The following SEMA6D variants were observed in gnomAD, a reference collection of about 807,000 sequenced individuals.
The protein encoded by SEMA6D is semaphorin 6D, also known as semaphorin-6D.
Under a neutral mutation model 106.6 loss-of-function variants are expected in SEMA6D, and 35 were observed. The ratio of observed to expected loss-of-function variants is 0.33; its 90% CI spans 0.25 to 0.44. SEMA6D has a LOEUF of 0.44. SEMA6D is among the 20% of genes least tolerant of loss of function. SEMA6D has a pLI of 1.00. For missense variants in SEMA6D, 1,185 were observed against 1,345.9 expected (o/e 0.88, Z 1.87); for synonymous variants, 499 against 487.7 (o/e 1.02, Z -0.31).
chr15:47,202,668 C>T (rs1894800943), intron 1 of SEMA6D, among the ~76,000 whole-genome samples: 1 of 152,192 alleles, frequency 6.6e-6, no homozygotes, highest in Admixed American at 6.5e-5. Context: ...TCCAAGTATA[C>T]TTTACTTCCT....
intron 4 of SEMA6D, among the ~76,000 whole-genome samples, chr15:47,665,350 C>T (rs2078005675): frequency 6.6e-6 from 1 of 152,112 alleles, no homozygotes; most frequent in South Asian, 2.1e-4. Flanking sequence ...CCTTTCCTAT[C>T]TTTATTTATG....
intron 2 of SEMA6D, among the ~76,000 whole-genome samples, chr15:47,465,818 AC>A (rs1375638687): frequency 6.6e-6 from 1 of 152,018 alleles, no homozygotes; most frequent in Admixed American, 6.6e-5. Flanking sequence ...ATTCTAAATT[AC>A]CCAGTCTCAT....
chr15:47,676,035 G>A (rs535841048), intron 4 of SEMA6D, among the ~76,000 whole-genome samples: 2 of 152,278 alleles, frequency 1.3e-5, no homozygotes, highest in African/African-American at 4.8e-5. Context: ...CTACAGGCTA[G>A]GCCCACTGTG....
intron 4 of SEMA6D, among the ~76,000 whole-genome samples, chr15:47,657,819 C>A (rs557250085): frequency 1.5e-5 from 2 of 135,310 alleles, no homozygotes; most frequent in Non-Finnish European, 3.1e-5. Context: ...CGGCTCACTG[C>A]AAGCTCCGTG....
chr15:47,467,747 T>C (rs2042707995), intron 2 of SEMA6D, among the ~76,000 whole-genome samples: 1 of 152,162 alleles, frequency 6.6e-6, no homozygotes, highest in African/African-American at 2.4e-5. Flanking sequence ...ATCATTGATA[T>C]AGTTCTTTAT....
chr15:47,445,483 T>C (rs917096859), intron 2 of SEMA6D, among the ~76,000 whole-genome samples: 1 of 152,074 alleles, frequency 6.6e-6, no homozygotes, highest in Non-Finnish European at 1.5e-5. Context: ...ACTCTTCATT[T>C]TAACCTATCC....
At chr15:47,208,659 T>C (rs1434034919) in intron 1 of SEMA6D, among the ~76,000 whole-genome samples, 1 of 152,202 alleles carries the variant, frequency 6.6e-6, no homozygotes, top group Non-Finnish European at 1.5e-5. Flanking sequence ...ATTGTCCATT[T>C]CTCATCATGG....
intron 4 of SEMA6D, among the ~76,000 whole-genome samples, chr15:47,684,441 T>A (rs2078427848): frequency 6.6e-6 from 1 of 152,108 alleles, no homozygotes; most frequent in Non-Finnish European, 1.5e-5. Context: ...TATCCTCATT[T>A]TATCTTTTAA....
intron 1 of SEMA6D, among the ~76,000 whole-genome samples, chr15:47,197,745 C>A (rs2141030141): frequency 6.6e-6 from 1 of 152,192 alleles, no homozygotes; most frequent in African/African-American, 2.4e-5. Flanking sequence ...TCAGAAATGT[C>A]TTGAAATGAC....
chr15:47,480,975 T>G (rs773408816), intron 3 of SEMA6D, among the ~76,000 whole-genome samples: 1 of 152,282 alleles, frequency 6.6e-6, no homozygotes, highest in Non-Finnish European at 1.5e-5. Context: ...TGATCATACT[T>G]TCATCTTAGA....
intron 1 of SEMA6D, among the ~76,000 whole-genome samples, chr15:47,202,530 C>G (rs1235412007): frequency 6.6e-6 from 1 of 152,098 alleles, no homozygotes; most frequent in Non-Finnish European, 1.5e-5. Context: ...ATGGACACCA[C>G]GCCTCCTCCC....
intron 3 of SEMA6D, among the ~76,000 whole-genome samples, chr15:47,509,589 C>T (rs2044159162): frequency 6.6e-6 from 1 of 152,224 alleles, no homozygotes; most frequent in South Asian, 2.1e-4. Context: ...CTCCATACAG[C>T]TACTTTCTAT....
chr15:47,272,505 CA>C (rs1161666284), intron 1 of SEMA6D: 1 of 152,138 alleles, frequency 6.6e-6, no homozygotes, highest in East Asian at 1.9e-4. Flanking sequence ...AAAGTAATCT[CA>C]AAGAAAAATC....
At chr15:47,190,490 G>A (rs11856716) in intron 1 of SEMA6D, among the ~76,000 whole-genome samples, 37,335 of 152,118 alleles carry the variant, frequency 0.25, 5,082 homozygotes, top group Non-Finnish European at 0.31. Context: ...AATGCAGTGA[G>A]AGAATTACAA....
At chr15:47,745,164 C>A (rs1466855952) in intron 1 of SEMA6D, among the ~76,000 whole-genome samples, 1 of 152,218 alleles carries the variant, frequency 6.6e-6, no homozygotes, top group African/African-American at 2.4e-5. Context: ...TAGAACCACA[C>A]ACCCTTCCTC....
chr15:47,630,124 A>G (rs1358672185), intron 4 of SEMA6D, among the ~76,000 whole-genome samples: 2 of 151,902 alleles, frequency 1.3e-5, no homozygotes, highest in Non-Finnish European at 2.9e-5. Context: ...AGAAAACTCC[A>G]TACTGTTTTC....
chr15:47,707,056 C>A (rs1182203445), intron 4 of SEMA6D, among the ~76,000 whole-genome samples: 1 of 152,130 alleles, frequency 6.6e-6, no homozygotes, highest in Non-Finnish European at 1.5e-5. Context: ...GTGATCTAAT[C>A]TTTTATTGTT....
chr15:47,687,159 G>T (rs1004964400), intron 4 of SEMA6D, among the ~76,000 whole-genome samples: 3 of 151,632 alleles, frequency 2.0e-5, no homozygotes, highest in African/African-American at 4.8e-5. Context: ...GAAATATGAA[G>T]GTTTTGTAGA....
chr15:47,386,266 G>A (rs1053674256), intron 1 of SEMA6D, among the ~76,000 whole-genome samples: 3 of 152,050 alleles, frequency 2.0e-5, no homozygotes, highest in African/African-American at 7.2e-5. Context: ...TCCAACTGGG[G>A]GTAGGGACTT....
Sources: allele counts gnomAD v4.1 joint callset (sites outside exome capture counted in the v4.1 genomes callset), GRCh38; gene constraint gnomAD v4.1.1; transcripts MANE v1.5; gene names NCBI Gene and HGNC (gene_info 2026-07-23, HGNC 2026-07-21).